Variants in CACNA1E observed in about 807,000 individuals in gnomAD.
CACNA1E encodes calcium voltage-gated channel subunit alpha1 E.
CACNA1E carries 40 observed loss-of-function variants against 259.2 expected under a neutral mutation model. The observed-to-expected ratio is 0.15, with a 90% CI of 0.12 to 0.20. The LOEUF is 0.20. Ranked by LOEUF, CACNA1E falls within the 10% of genes least tolerant of loss-of-function variation. CACNA1E has a pLI of 1.00. For synonymous variants in CACNA1E, 1,104 were observed against 1,138.5 expected (o/e 0.97, Z 0.61); for missense variants, 1,874 against 3,040.1 (o/e 0.62, Z 9.02).
chr1:181,499,984 C>T (rs573320648), intron 1 of CACNA1E, among the ~76,000 whole-genome samples: 15 of 152,276 alleles, frequency 9.9e-5, no homozygotes, highest in African/African-American at 3.6e-4. Flanking sequence ...GTGATTAATT[C>T]TTATGTGTCA....
At chr1:181,424,884 GTGAATCAGTCCC>G (rs1659045062) in intron 2 of CACNA1E, among the ~76,000 whole-genome samples, 1 of 152,070 alleles carries the variant, frequency 6.6e-6, no homozygotes, top group Non-Finnish European at 1.5e-5. Context: ...GGAGGCTCAG[GTGAATCAGTCCC>G]CTCTCTCCCA....
At chr1:181,562,063 T>A (rs1649381629) in intron 3 of CACNA1E, among the ~76,000 whole-genome samples, 1 of 152,158 alleles carries the variant, frequency 6.6e-6, no homozygotes, top group South Asian at 2.1e-4. Flanking sequence ...CCTGTTCACT[T>A]CTTTTGGCCA....
intron 1 of CACNA1E, among the ~76,000 whole-genome samples, chr1:181,332,247 G>T (rs1247819925): frequency 6.6e-6 from 1 of 152,212 alleles, no homozygotes; most frequent in Non-Finnish European, 1.5e-5. Flanking sequence ...AGAGCATCAG[G>T]AAGAATAGCT....
chr1:181,699,272 C>T (rs1304406378), intron 7 of CACNA1E, among the ~76,000 whole-genome samples: 2 of 152,114 alleles, frequency 1.3e-5, no homozygotes, highest in Non-Finnish European at 2.9e-5. Context: ...CAGAAGAGAT[C>T]CTTTTATTGT....
chr1:181,497,174 T>C (rs1664832580), intron 1 of CACNA1E, among the ~76,000 whole-genome samples: 1 of 152,124 alleles, frequency 6.6e-6, no homozygotes, highest in African/African-American at 2.4e-5. Context: ...GTAACCTCTT[T>C]CCCTGGCGAT....
At chr1:181,682,636 A>G (rs1331332470) in intron 7 of CACNA1E, among the ~76,000 whole-genome samples, 1 of 152,248 alleles carries the variant, frequency 6.6e-6, no homozygotes, top group Non-Finnish European at 1.5e-5. Flanking sequence ...CAGACTGTGC[A>G]GTAAGCATGA....
chr1:181,483,152 T>C (rs75415370), upstream of CACNA1E, among the ~76,000 whole-genome samples: 3,430 of 152,316 alleles, frequency 0.023, 61 homozygotes, highest in Admixed American at 0.036. Flanking sequence ...CGGTGGAATT[T>C]CTTAGATGGA....
At chr1:181,696,722 G>T (rs911841649) in intron 7 of CACNA1E, among the ~76,000 whole-genome samples, 2 of 152,146 alleles carry the variant, frequency 1.3e-5, no homozygotes, top group African/African-American at 2.4e-5. Flanking sequence ...GATAATGTTT[G>T]CAGATAAGAT....
intron 1 of CACNA1E, among the ~76,000 whole-genome samples, chr1:181,356,773 G>A (rs1653475755): frequency 1.3e-5 from 2 of 152,206 alleles, no homozygotes; most frequent in South Asian, 4.1e-4. Context: ...TGTATCCTGG[G>A]AGTTTCCTTG....
intron 40 of CACNA1E, 149 bp downstream of exon 40, chr1:181,783,933 CTAA>C: frequency 1.8e-6 from 1 of 558,040 alleles, no homozygotes; most frequent in Middle Eastern, 4.7e-4. Context: ...GACTCAATAA[CTAA>C]TAATTGCCCT....
chr1:181,516,347 A>T (rs61812709), intron 3 of CACNA1E, among the ~76,000 whole-genome samples: 4 of 63,540 alleles, frequency 6.3e-5, no homozygotes, highest in African/African-American at 3.3e-4. Flanking sequence ...CAAAGACCAC[A>T]CACACACACA....
At chr1:181,448,400 C>T (rs754442274) in intron 2 of CACNA1E, among the ~76,000 whole-genome samples, 6 of 152,168 alleles carry the variant, frequency 3.9e-5, no homozygotes, top group Admixed American at 6.6e-5. Context: ...TCCTGAAGTC[C>T]AAAAGCTAGT....
chr1:181,333,142 G>A (rs1454465024), intron 1 of CACNA1E, among the ~76,000 whole-genome samples: 1 of 152,188 alleles, frequency 6.6e-6, no homozygotes, highest in Non-Finnish European at 1.5e-5. Flanking sequence ...AGACGCCACT[G>A]AGCAGGCCCA....
intron 7 of CACNA1E, among the ~76,000 whole-genome samples, chr1:181,686,826 T>C (rs561828918): frequency 6.6e-6 from 1 of 152,286 alleles, no homozygotes; most frequent in Non-Finnish European, 1.5e-5. Flanking sequence ...TTTCCCTGCA[T>C]GGAGGTGTTT....
chr1:181,695,850 G>A (rs982105915), intron 7 of CACNA1E, among the ~76,000 whole-genome samples: 11 of 152,180 alleles, frequency 7.2e-5, no homozygotes, highest in African/African-American at 2.7e-4. Flanking sequence ...AGCTACTCGG[G>A]AGGCTGAGAC....
chr1:181,680,275 T>TG (rs1649818238), intron 7 of CACNA1E, among the ~76,000 whole-genome samples: 1 of 152,084 alleles, frequency 6.6e-6, no homozygotes, highest in African/African-American at 2.4e-5. Context: ...GGGCAGAGAA[T>TG]GGGCTGTTAG....
chr1:181,776,387 G>A lies in CACNA1E; in HGVS notation c.5267+159G>A. 1 of 684,822 alleles carries A rather than the reference G, an allele frequency of 1.5e-6. No homozygotes were observed. Among genetic ancestry groups the A allele is most frequent in the Admixed American group, 2.7e-5 (1 of 37,456 alleles). The allele number at this position is 684,822 out of a possible 1,614,324, so 42.4% of individuals were successfully genotyped here. ...CCCATAGAAGAGGCTCTGGTATCAA[G>A]CCAGTCACCAAGGACTTCTGTATCC... On this transcript the variant is annotated intron_variant, in intron 38 of 47. Coordinates refer to ENST00000367573, the MANE Select transcript of CACNA1E (RefSeq NM_001205293.3). This position sits in a 1 kb window ranked among gnomAD's most constrained non-coding sequence, Gnocchi z 4.4.
intron 8 of CACNA1E, among the ~76,000 whole-genome samples, 196 bp downstream of exon 8, chr1:181,711,265 T>C (rs1653333872): frequency 6.6e-6 from 1 of 152,244 alleles, no homozygotes; most frequent in African/African-American, 2.4e-5. Context: ...TCTATCAAAC[T>C]GTCCCAACAC....
chr1:181,383,819 AG>A (rs1313773525), intron 1 of CACNA1E, among the ~76,000 whole-genome samples: 1 of 152,194 alleles, frequency 6.6e-6, no homozygotes, highest in Non-Finnish European at 1.5e-5. Flanking sequence ...CGTAGGCAAA[AG>A]GGATGTGTGG....
Sources: gnomAD v4.1 joint callset for allele counts (sites outside exome capture counted in the v4.1 genomes callset) on GRCh38, gnomAD v4.1.1 for gene constraint, Gnocchi (gnomAD v3.1) non-coding constraint, MANE v1.5 for transcripts, NCBI Gene and HGNC (gene_info 2026-07-23, HGNC 2026-07-21) for gene names.